The following CFAP61 variants were observed in gnomAD, a reference collection of about 807,000 sequenced individuals.
CFAP61 encodes cilia- and flagella-associated protein 61.
Under a neutral mutation model 135.6 loss-of-function variants are expected in CFAP61, and 107 were observed. The ratio of observed to expected loss-of-function variants is 0.79; its 90% CI spans 0.67 to 0.93. CFAP61 has a LOEUF of 0.93. Ranked by LOEUF, CFAP61 falls within the 40% of genes least tolerant of loss-of-function variation. CFAP61 has a pLI of 0.00. For synonymous variants in CFAP61, 575 were observed against 578.5 expected, an observed-to-expected ratio of 0.99 and a Z score of 0.09; for missense variants, 1,507 against 1,556.2, an observed-to-expected ratio of 0.97 and a Z score of 0.53.
At chr20:20,283,584 T>C (rs2054355342) in intron 22 of CFAP61, among the ~76,000 whole-genome samples, 1 of 152,220 alleles carries the variant, frequency 6.6e-6, no homozygotes, top group African/African-American at 2.4e-5. Flanking sequence ...AGGCAAGGTG[T>C]GGCTGGCTTC....
chr20:20,234,328 G>C (rs2049407502), intron 18 of CFAP61, among the ~76,000 whole-genome samples: 1 of 152,200 alleles, frequency 6.6e-6, no homozygotes, highest in African/African-American at 2.4e-5. Context: ...GTAGGCCCCA[G>C]CACTATCTCT....
In CFAP61 at chr20:20,060,533, T is replaced by A. The variant is rs538401908; in HGVS notation, c.143+3737T>A. 1.1e-4 allele frequency among the ~76,000 whole-genome samples: 17 copies of A among 152,306 alleles called. 2 individuals are homozygous for A. The Middle Eastern group carries it at 0.01, about 91-fold the overall frequency. On this transcript the variant is annotated intron_variant, in intron 2 of 26. Coordinates refer to ENST00000245957, the MANE Select transcript of CFAP61 (RefSeq NM_015585.4). ...TTCAGGACAAAAACATTATATAAATTGGGAGGAGCATGATTAGAATGAAAG... is the reference window on the plus strand; with the variant it reads ...TTCAGGACAAAAACATTATATAAATAGGGAGGAGCATGATTAGAATGAAAG...
chr20:20,253,364 G>A (rs147197420), intron 20 of CFAP61: 21 of 198,568 alleles, frequency 1.1e-4, no homozygotes, highest in African/African-American at 4.5e-4. Flanking sequence ...TTTCTTCTGC[G>A]CAGCCTCTTC....
intron 20 of CFAP61, chr20:20,258,655 C>T (rs2051868846): frequency 6.6e-6 from 1 of 152,208 alleles, no homozygotes; most frequent in African/African-American, 2.4e-5. Context: ...AGTGTTTATT[C>T]ATCCCGAGGA....
At chr20:20,067,202 C>CGT (rs1371528257) in intron 2 of CFAP61, among the ~76,000 whole-genome samples, 84 of 151,606 alleles carry the variant, frequency 5.5e-4, no homozygotes, top group Middle Eastern at 6.9e-3. Flanking sequence ...GTGTGACATA[C>CGT]GTGTGTATGT....
At chr20:20,233,686 A>T (rs1270904605) in intron 18 of CFAP61, among the ~76,000 whole-genome samples, 1 of 152,226 alleles carries the variant, frequency 6.6e-6, no homozygotes, top group Non-Finnish European at 1.5e-5. Context: ...TGGTGTCACT[A>T]ATCACAATGG....
chr20:20,212,402 A>G lies in CFAP61; in HGVS notation c.1932+12500A>G, dbSNP rs74173353. Among the ~76,000 whole-genome samples the G allele has an allele frequency of 7.2e-3, 1,099 of 152,164 alleles. 6 individuals carry two copies. The highest frequency in any genetic ancestry group is 0.013 in the Non-Finnish European group (881 of 67,996). On this transcript the variant is annotated intron_variant, in intron 17 of 26. Transcript: ENST00000245957. The stretch of plus-strand genomic sequence containing the variant: ...AGTTTGGCCCCGGGGAAGTGCTTAA[A>G]CTTCCAATTCCAAGCACGTCTACAT...
chr20:20,131,567 CT>C (rs2050527367), intron 8 of CFAP61, among the ~76,000 whole-genome samples: 2 of 151,866 alleles, frequency 1.3e-5, no homozygotes, highest in Non-Finnish European at 2.9e-5. Flanking sequence ...TTTTATTAGT[CT>C]TTTCAAAAAA....
intron 7 of CFAP61, among the ~76,000 whole-genome samples, 154 bp from the exon 8 acceptor site, chr20:20,098,501 G>A (rs1250773668): frequency 1.3e-5 from 2 of 151,756 alleles, no homozygotes; most frequent in Admixed American, 6.6e-5. Flanking sequence ...TCCCAGCTCT[G>A]CGGGAGGCTG....
intron 18 of CFAP61, among the ~76,000 whole-genome samples, chr20:20,240,959 C>G (rs2049979457): frequency 6.6e-6 from 1 of 152,154 alleles, no homozygotes; most frequent in Non-Finnish European, 1.5e-5. Context: ...GGAAATCACA[C>G]ATGGAGAAGC....
rs780255308 is a variant in CFAP61 at position 20,263,035 on chromosome 20, C to A, written c.2408C>A (p.Thr803Lys). Residue 803 changes from threonine (T) to lysine (K), a missense_variant, in exon 21 of 27, where the codon ACG becomes AAG. By Grantham distance (78) the Thr-to-Lys change is moderately conservative (BLOSUM62 -1). Transcript: ENST00000245957. The stretch of plus-strand genomic sequence containing the variant: ...CCCAACAGCAGTCAGCGGCGGTACA[C>A]GGGGAAAGTTCCTTGCAACCATTTC... ...EVPNSSQRRY[T>K]GKVPCNHFTL... 6.2e-7 allele frequency: 1 copy of A among 1,613,880 alleles called. No individual in the cohort carries two copies. The highest frequency in any genetic ancestry group is 1.7e-5 in the Admixed American group (1 of 60,010).
chr20:20,133,179 G>A (rs35274910), intron 8 of CFAP61, among the ~76,000 whole-genome samples: 4,078 of 152,228 alleles, frequency 0.027, 87 homozygotes, highest in Middle Eastern at 0.14. Context: ...TTGCAACTGC[G>A]TCAATAATCC....
At chr20:20,238,697 T>A (rs1175641957) in intron 18 of CFAP61, among the ~76,000 whole-genome samples, 1 of 152,214 alleles carries the variant, frequency 6.6e-6, no homozygotes, top group Non-Finnish European at 1.5e-5. Context: ...TCACAATAAA[T>A]GGGCAATGTG....
chr20:20,117,813 T>C (rs1415904784), intron 8 of CFAP61, among the ~76,000 whole-genome samples: 9 of 152,186 alleles, frequency 5.9e-5, no homozygotes, highest in Admixed American at 5.9e-4. Flanking sequence ...ATTTCTTTGG[T>C]GAAATTGATT....
At chr20:20,342,716 G>A (rs2058491094) in intron 26 of CFAP61, among the ~76,000 whole-genome samples, 2 of 152,166 alleles carry the variant, frequency 1.3e-5, no homozygotes, top group African/African-American at 4.8e-5. Context: ...CACTGCTAGG[G>A]AGCGCGCACC....
At chr20:20,348,505 T>C (rs1172796951) in intron 26 of CFAP61, among the ~76,000 whole-genome samples, 1 of 151,766 alleles carries the variant, frequency 6.6e-6, no homozygotes, top group East Asian at 1.9e-4. Flanking sequence ...CTGACCAACA[T>C]GATGAAACCC....
Position 20,298,347 on chromosome 20 carries a change from G to T in CFAP61, c.3383G>T (p.Cys1128Phe). 2 of 1,614,182 alleles carry T rather than the reference G, an allele frequency of 1.2e-6. No homozygotes were observed. The highest frequency in any genetic ancestry group is 1.7e-6 in the Non-Finnish European group (2 of 1,180,040). The change falls in exon 25 of 27, where the codon TGT becomes TTT. Residue 1128 changes from cysteine to phenylalanine, a missense_variant. By Grantham distance (205) the Cys-to-Phe change is radical. Coordinates refer to ENST00000245957, the MANE Select transcript of CFAP61 (RefSeq NM_015585.4). ...CACGAGCAACTCCTCAACAACCTGT[G>T]TGCTCGGTACGATGAAAACCTGATC... is the stretch of plus-strand genomic sequence containing the variant. ...GQHEQLLNNL[C>F]ARYDENLITD...
At position 20,251,719 on chromosome 20, in the gene CFAP61, G is replaced by A. The variant is rs769494949; in HGVS notation, c.2284G>A (p.Val762Met). The A allele has an allele frequency of 1.1e-5, 18 of 1,613,936 alleles. No homozygotes were observed. Among genetic ancestry groups the A allele is most frequent in the Middle Eastern group, 1.6e-4 (1 of 6,076 alleles). The change falls in exon 20 of 27, where the codon GTG becomes ATG. Residue 762 changes from valine to methionine, a missense_variant. Transcript: ENST00000245957. ...CGTTGTGCTTTCCACGGACGAGATC[G>A]TGCCCTACGACCACCTCATCCTCTG... is the stretch of plus-strand genomic sequence containing the variant. ...KHVVLSTDEI[V>M]PYDHLILCTG...
At chr20:20,189,311 C>T (rs528890888) in intron 14 of CFAP61, among the ~76,000 whole-genome samples, 11 of 152,248 alleles carry the variant, frequency 7.2e-5, no homozygotes, top group African/African-American at 2.4e-4. Context: ...TCCTTCCCTC[C>T]TGGCCCTCTA....
Sources: gnomAD v4.1 joint callset for allele counts (sites outside exome capture counted in the v4.1 genomes callset) on GRCh38, gnomAD v4.1.1 for gene constraint, MANE v1.5 for transcripts, NCBI Gene and HGNC (gene_info 2026-07-23, HGNC 2026-07-21) for gene names.